The following OR6J1 variants were observed in gnomAD, a reference collection of about 807,000 sequenced individuals.
The protein encoded by OR6J1 is olfactory receptor family 6 subfamily J member 1, also known as olfactory receptor 6J1.
For missense variants in OR6J1, 304 were observed against 166.8 expected, an observed-to-expected ratio of 1.82 and a Z score of -4.53; for synonymous variants, 109 against 70.0, an observed-to-expected ratio of 1.56 and a Z score of -2.78.
chr14:22,634,073 C>T lies in OR6J1; in HGVS notation c.739G>A (p.Val247Ile). 1 of 703,018 alleles carries T rather than the reference C, an allele frequency of 1.4e-6. No homozygotes were observed. Among genetic ancestry groups the T allele is most frequent in the Non-Finnish European group, 2.6e-6 (1 of 384,882 alleles). 43.5% of individuals were successfully genotyped at this position (703,018 alleles called of 1,614,324 possible). A position where few individuals can be genotyped will look rare whatever the true frequency, so the allele number is the denominator to read the frequency against. Residue 247 changes from valine (V) to isoleucine (I), a missense_variant, in exon 2 of 2, where the codon GTC becomes ATC. Coordinates refer to ENST00000540461, the MANE Select transcript of OR6J1 (RefSeq NM_001348233.2). The stretch of plus-strand genomic sequence containing the variant: ...ACAGTGATGCCACTAGAAATGATGA[C>T]TATGGTCAGGTGGGAAGCACAGGTA... ...FNTCASHLTI[V>I]IISSGITVFI...
Position 22,639,350 on chromosome 14 carries a change from G to C in OR6J1, c.-27-4512C>G, listed in dbSNP as rs1350089656. 3.1e-5 allele frequency among the ~76,000 whole-genome samples: 4 copies of C among 128,394 alleles called. No homozygotes were observed. In the East Asian group the frequency reaches 8.4e-4, roughly 27 times the overall value. The allele number at this position is 128,394 out of a possible 152,430, so 84.2% of individuals were successfully genotyped here. On this transcript the variant is annotated intron_variant, in intron 1 of 1. Coordinates refer to ENST00000540461, the MANE Select transcript of OR6J1 (RefSeq NM_001348233.2). ...CTCTGCCCGGCCAGCCACCCCGTCC[G>C]GGAGGGAGATGGGGGGGTCAGCCCC...
Position 22,633,948 on chromosome 14 carries a change from T to C in OR6J1, c.864A>G (p.Ile288Met). The change falls in exon 2 of 2, where the codon ATA becomes ATG. Residue 288 changes from isoleucine to methionine, a missense_variant. Coordinates refer to ENST00000540461, the MANE Select transcript of OR6J1 (RefSeq NM_001348233.2). Reference protein sequence around the residue: ...SVVTPFLNPFIYTLRNDTVQG... With the variant: ...SVVTPFLNPFMYTLRNDTVQG... ...GCACTGTGTCATTCCTCAGAGTATA[T>C]ATAAAGGGGTTGAGGAATGGAGTCA... 2 of 702,838 alleles carry C rather than the reference T, an allele frequency of 2.8e-6. No individual in the cohort carries two copies. Among genetic ancestry groups the C allele is most frequent in the Non-Finnish European group, 5.2e-6 (2 of 384,842 alleles). 43.5% of individuals were successfully genotyped at this position (702,838 alleles called of 1,614,324 possible).
chr14:22,634,267 G>C lies in OR6J1; in HGVS notation c.545C>G (p.Pro182Arg), dbSNP rs915511414. 1.0e-5 allele frequency: 7 copies of C among 703,200 alleles called. No homozygotes were observed. In the African/African-American group the frequency reaches 1.2e-4, roughly 12 times the overall value. The allele number at this position is 703,200 out of a possible 1,614,324, so 43.6% of individuals were successfully genotyped here. A position where few individuals can be genotyped will look rare whatever the true frequency, so the allele number is the denominator to read the frequency against. Residue 182 changes from proline to arginine, a missense_variant, in exon 2 of 2, where the codon CCC becomes CGC. Physicochemically the swap from Pro to Arg is moderately radical, Grantham distance 103. Coordinates refer to ENST00000540461, the MANE Select transcript of OR6J1 (RefSeq NM_001348233.2). ...GTCTGCACAGGCCAGGGCCAGCAAGGGTCCACTGTCACAGAAGAAGTGGTT... is the reference window on the plus strand; with the variant it reads ...GTCTGCACAGGCCAGGGCCAGCAAGCGTCCACTGTCACAGAAGAAGTGGTT... ...IINHFFCDSGPLLALACADTT... is the reference protein window; with the variant it reads ...IINHFFCDSGRLLALACADTT...
chr14:22,634,184 T>G lies in OR6J1; in HGVS notation c.628A>C (p.Ile210Leu), dbSNP rs1246568117. 3.7e-5 allele frequency: 26 copies of G among 703,498 alleles called. No homozygotes were observed. In the East Asian group the frequency reaches 7.0e-4, roughly 19 times the overall value. 43.6% of individuals were successfully genotyped at this position (703,498 alleles called of 1,614,324 possible). Residue 210 changes from isoleucine to leucine, a missense_variant, in exon 2 of 2, where the codon ATA becomes CTA. Coordinates refer to ENST00000540461, the MANE Select transcript of OR6J1 (RefSeq NM_001348233.2). ...MLSSMVILCC[I>L]VLVAYSYTYI... ...GTATAGGAATAGGCCACGAGGACTA[T>G]GCAGCAGAGGATGACCATGGAAGAA...
At position 22,632,789 on chromosome 14, in the gene OR6J1, G is replaced by A. The variant is rs955730083; in HGVS notation, c.*979C>T. The A allele has an allele frequency of 7.9e-5, 12 of 152,270 alleles. No homozygotes were observed. Among genetic ancestry groups the A allele is most frequent in the African/African-American group, 2.9e-4 (12 of 41,464 alleles). The allele number at this position is 152,270 out of a possible 1,614,324, so 9.4% of individuals were successfully genotyped here. On this transcript the variant is annotated 3_prime_UTR_variant, in exon 2 of 2. Transcript: ENST00000540461. ...CAAAATTCTACCAGCTCCAGCCCTA[G>A]GAAGTCATGAGAGAAGAGGGCTCTT...
chr14:22,634,410 G>A lies in OR6J1; in HGVS notation c.402C>T (p.Ile134=). Residue 134 remains isoleucine (I), a synonymous_variant, in exon 2 of 2, where the codon ATC becomes ATT. Transcript: ENST00000540461. ...TICCPLRYTT[I]MRPSVCIGTV... is the part of the protein sequence containing the mutation. ...TCCCAATGCAGACAGAAGGTCTCAT[G>A]ATGGTGGTGTACCGCAGGGGGCAGC... 1 of 703,478 alleles carries A rather than the reference G, an allele frequency of 1.4e-6. No homozygotes were observed. The highest frequency in any genetic ancestry group is 1.5e-5 in the South Asian group (1 of 67,582). 43.6% of individuals were successfully genotyped at this position (703,478 alleles called of 1,614,324 possible).
In OR6J1 at chr14:22,639,333, G is replaced by A. The variant is rs1346749506; in HGVS notation, c.-27-4495C>T. Among the ~76,000 whole-genome samples the A allele has an allele frequency of 7.8e-5, 10 of 128,976 alleles. 1 individual carries two copies. The highest frequency in any genetic ancestry group is 1.4e-4 in the Admixed American group (2 of 14,000). The allele number at this position is 128,976 out of a possible 152,430, so 84.6% of individuals were successfully genotyped here. On this transcript the variant is annotated intron_variant, in intron 1 of 1. Transcript: ENST00000540461. ...TGGGAAGTGAGGAGCCCCTCTGCCC[G>A]GCCAGCCACCCCGTCCGGGAGGGAG...
In OR6J1 at chr14:22,633,844, A is replaced by T. The variant is rs1162716049; in HGVS notation, c.968T>A (p.Leu323Ter). 1 of 702,562 alleles carries T rather than the reference A, an allele frequency of 1.4e-6. No individual in the cohort carries two copies. The highest frequency in any genetic ancestry group is 1.7e-5 in the African/African-American group (1 of 57,232). 43.5% of individuals were successfully genotyped at this position (702,562 alleles called of 1,614,324 possible). A position where few individuals can be genotyped will look rare whatever the true frequency, so the allele number is the denominator to read the frequency against. The stretch of plus-strand genomic sequence containing the variant: ...TCCTTGGTGGTCTTTGTTGGAGGAT[A>T]ATCTGCTTCTCAGCACTGCCCTCAT... ...KRMRAVLRSRLSSNKDHQGRA... is the reference protein window; with the variant it reads ...KRMRAVLRSR The change falls in exon 2 of 2, where the codon TTA becomes TAA. Residue 323 changes from leucine to a stop codon, truncating the protein, a stop_gained. Transcript: ENST00000540461. LOFTEE classifies it low-confidence loss of function (END_TRUNC).
At chr14:22,639,256 G>A in intron 1 of OR6J1, among the ~76,000 whole-genome samples, 1 of 125,512 alleles carries the variant, frequency 8.0e-6, no homozygotes, top group Non-Finnish European at 1.6e-5. Context: ...CCCCCGCCAG[G>A]CCAGCCGCCC....
At chr14:22,636,808 G>C (rs1254364940) in intron 1 of OR6J1, among the ~76,000 whole-genome samples, 1 of 117,930 alleles carries the variant, frequency 8.5e-6, no homozygotes. Context: ...CCAAAGTGCC[G>C]AGATTGCAGC....
intron 1 of OR6J1, among the ~76,000 whole-genome samples, chr14:22,635,629 T>C (rs1632549): frequency 6.6e-6 from 1 of 151,936 alleles, no homozygotes; most frequent in Non-Finnish European, 1.5e-5. Context: ...GGCACAAATA[T>C]ACATAAAAAT....
chr14:22,639,926 T>C (rs2037630014), intron 1 of OR6J1, among the ~76,000 whole-genome samples: 1 of 90,054 alleles, frequency 1.1e-5, no homozygotes, highest in Non-Finnish European at 2.4e-5. Context: ...CCCTCCACTA[T>C]TGTCCCATGA....
Position 22,633,790 on chromosome 14 carries a change from T to C in OR6J1, c.1022A>G (p.Tyr341Cys), listed in dbSNP as rs1218452594. The change falls in exon 2 of 2, where the codon TAT becomes TGT. Residue 341 changes from tyrosine to cysteine, a missense_variant. By Grantham distance (194) the Tyr-to-Cys change is radical (BLOSUM62 -2). Coordinates refer to ENST00000540461, the MANE Select transcript of OR6J1 (RefSeq NM_001348233.2). Reference sequence around the variant, plus strand: ...TTTCTAACACTGGAGCTTTACAGAATAGACACATGGTGGAGAAGAGCAAGC... The same window carrying C: ...TTTCTAACACTGGAGCTTTACAGAACAGACACATGGTGGAGAAGAGCAAGC... Reference protein sequence around the residue: ...GRACSSPPCVYSVKLQC With the variant: ...GRACSSPPCVCSVKLQC The C allele has an allele frequency of 5.8e-6, 4 of 693,698 alleles. No individual in the cohort carries two copies. Among genetic ancestry groups the C allele is most frequent in the African/African-American group, 1.8e-5 (1 of 56,988 alleles). 43.0% of individuals were successfully genotyped at this position (693,698 alleles called of 1,614,324 possible).
intron 1 of OR6J1, among the ~76,000 whole-genome samples, chr14:22,636,223 G>GCGCCCT (rs1566394952): frequency 1.6e-4 from 14 of 87,760 alleles, no homozygotes; most frequent in East Asian, 3.1e-4. Context: ...TAAGACACTA[G>GCGCCCT]CGCCCTCTCC....
Position 22,630,952 on chromosome 14 carries a change from G to A in OR6J1, c.*2816C>T, listed in dbSNP as rs2037541026. On this transcript the variant is annotated 3_prime_UTR_variant, in exon 2 of 2. Coordinates refer to ENST00000540461, the MANE Select transcript of OR6J1 (RefSeq NM_001348233.2). The stretch of plus-strand genomic sequence containing the variant: ...GAGAAATTTTAAAGCTGGGCAGCCG[G>A]GGGAGACATCACATGTCACTAGGTT... 1 of 152,222 alleles carries A rather than the reference G, an allele frequency of 6.6e-6. No homozygotes were observed. The highest frequency in any genetic ancestry group is 2.1e-4 in the South Asian group (1 of 4,814). The allele number at this position is 152,222 out of a possible 1,614,324, so 9.4% of individuals were successfully genotyped here.
intron 1 of OR6J1, among the ~76,000 whole-genome samples, chr14:22,642,655 A>G (rs561228685): frequency 3.3e-5 from 5 of 151,990 alleles, no homozygotes; most frequent in Admixed American, 3.3e-4. Flanking sequence ...GGATATTTTA[A>G]TGATCCCTCC....
At chr14:22,636,963 A>G (rs1391099549) in intron 1 of OR6J1, among the ~76,000 whole-genome samples, 4 of 123,046 alleles carry the variant, frequency 3.3e-5, no homozygotes, top group East Asian at 4.2e-4. Context: ...CCATCTAGGA[A>G]GCGAGGAGCG....
At chr14:22,636,959 A>G (rs1328811852) in intron 1 of OR6J1, among the ~76,000 whole-genome samples, 2 of 122,990 alleles carry the variant, frequency 1.6e-5, no homozygotes, top group South Asian at 2.3e-4. Flanking sequence ...CATCCCATCT[A>G]GGAAGCGAGG....
rs1484648581 is a variant in OR6J1, at chr14:22,633,797, A to G, written c.1015T>C (p.Cys339Arg). ...HQGRACSSPP[C>R]VYSVKLQC ...CACTGGAGCTTTACAGAATAGACAC[A>G]TGGTGGAGAAGAGCAAGCCCTTCCT... is the stretch of plus-strand genomic sequence containing the variant. The change falls in exon 2 of 2, where the codon TGT becomes CGT. Residue 339 changes from cysteine (C) to arginine (R), a missense_variant. Physicochemically the swap from Cys to Arg is radical, Grantham distance 180 (BLOSUM62 -3). Transcript: ENST00000540461. 2.4e-5 allele frequency: 17 copies of G among 696,862 alleles called. No homozygotes were observed. Among genetic ancestry groups the G allele is most frequent in the Non-Finnish European group, 4.2e-5 (16 of 381,836 alleles). 43.2% of individuals were successfully genotyped at this position (696,862 alleles called of 1,614,324 possible). A position where few individuals can be genotyped will look rare whatever the true frequency, so the allele number is the denominator to read the frequency against.
Sources: allele counts gnomAD v4.1 joint callset (sites outside exome capture counted in the v4.1 genomes callset), GRCh38; gene constraint gnomAD v4.1.1; transcripts MANE v1.5; gene names NCBI Gene and HGNC (gene_info 2026-07-23, HGNC 2026-07-21).